The following PIK3R1 variants were observed in gnomAD, a reference collection of about 807,000 sequenced individuals.
PIK3R1 encodes phosphoinositide-3-kinase regulatory subunit 1.
A neutral mutation model predicts 98.0 loss-of-function variants in PIK3R1; 29 were observed. The ratio of observed to expected loss-of-function variants is 0.30; its 90% CI spans 0.22 to 0.40. PIK3R1 has a LOEUF of 0.40. Ranked by LOEUF, PIK3R1 falls within the 10% of genes least tolerant of loss-of-function variation. The probability of loss-of-function intolerance (pLI) is 1.00; values close to 1 mark genes in which losing one functional copy is unlikely to be tolerated. For synonymous variants in PIK3R1, 282 were observed against 311.8 expected (o/e 0.90, Z 1.01); for missense variants, 596 against 872.7 (o/e 0.68, Z 3.99).
chr5:68,288,507 G>A (rs533233762), intron 7 of PIK3R1: 5 of 1,282,670 alleles, frequency 3.9e-6, no homozygotes, highest in Non-Finnish European at 4.9e-6. Context: ...GCGTGGGGCG[G>A]AGGGACGAGC....
chr5:68,297,395 T>TC lies in PIK3R1; in HGVS notation c.1986-16dup, dbSNP rs769342914. 3 of 1,596,900 alleles carry TC rather than the reference T, an allele frequency of 1.9e-6. No homozygotes were observed. The highest frequency in any genetic ancestry group is 2.6e-6 in the Non-Finnish European group (3 of 1,170,722). The stretch of plus-strand genomic sequence containing the variant: ...TTGGACAAGCTCAAAAGACAGTTTT[T>TC]CTTCTCTCCTCTCTAGGGTGGACGG... On this transcript the variant is annotated splice_polypyrimidine_tract_variant and intron_variant, in intron 15 of 15. Coordinates refer to ENST00000521381, the MANE Select transcript of PIK3R1 (RefSeq NM_181523.3).
chr5:68,221,915 A>T (rs1744104681), intron 1 of PIK3R1, among the ~76,000 whole-genome samples: 2 of 152,222 alleles, frequency 1.3e-5, no homozygotes, highest in Non-Finnish European at 2.9e-5. Context: ...ATTCCTTAAA[A>T]TTTTGAACTG....
In PIK3R1 at chr5:68,221,374, TGACCTA is replaced by T. The variant is rs1018450675; in HGVS notation, c.-386-4912_-386-4907del. On this transcript the variant is annotated intron_variant, in intron 1 of 15. Coordinates refer to ENST00000521381, the MANE Select transcript of PIK3R1 (RefSeq NM_181523.3). ...ACTGTATGAATTTAGGTGAGGAGCTTGACCTAGACTCTGAACTAGCACACTGAAGTT... is the reference window on the plus strand; with the variant it reads ...ACTGTATGAATTTAGGTGAGGAGCTTGACTCTGAACTAGCACACTGAAGTT... Among the ~76,000 whole-genome samples, 27 of 152,322 alleles carry T rather than the reference TGACCTA, an allele frequency of 1.8e-4. 1 individual carries two copies. Among genetic ancestry groups the T allele is most frequent in the Middle Eastern group, 3.4e-3 (1 of 294 alleles).
intron 1 of PIK3R1, among the ~76,000 whole-genome samples, chr5:68,219,692 C>T (rs539418798): frequency 1.3e-5 from 2 of 152,246 alleles, no homozygotes; most frequent in Admixed American, 6.5e-5. Flanking sequence ...TTTAAGACAG[C>T]GGGAGTTTTA....
intron 2 of PIK3R1, among the ~76,000 whole-genome samples, chr5:68,256,818 A>G (rs1030516531): frequency 2.6e-5 from 4 of 152,062 alleles, no homozygotes; most frequent in Admixed American, 6.5e-5. Context: ...CAAGCCTCCT[A>G]TTTTTCAGTT....
chr5:68,256,628 C>G (rs545842541), intron 2 of PIK3R1, among the ~76,000 whole-genome samples: 3 of 152,244 alleles, frequency 2.0e-5, no homozygotes, highest in East Asian at 3.9e-4. Context: ...GAAGCACCAA[C>G]AGTATGCATA....
chr5:68,248,819 C>T (rs1453300292), intron 2 of PIK3R1, among the ~76,000 whole-genome samples: 1 of 151,998 alleles, frequency 6.6e-6, no homozygotes, highest in Non-Finnish European at 1.5e-5. Context: ...TGTTACAAAG[C>T]AACATATTGA....
In PIK3R1 at chr5:68,280,565, G is replaced by A. The variant is rs2112194874; in HGVS notation, c.672G>A (p.Lys224=). The change falls in exon 6 of 16, where the codon AAG becomes AAA. Residue 224 remains lysine (K), a synonymous_variant. Coordinates refer to ENST00000521381, the MANE Select transcript of PIK3R1 (RefSeq NM_181523.3). ...QSSEEYIQLL[K]KLIRSPSIPH... is the part of the protein sequence containing the mutation. Reference sequence around the variant, plus strand: ...CCGAAGAATATATTCAGCTATTGAAGAAGCTTATTAGGTCGCCTAGCATAC... The same window carrying A: ...CCGAAGAATATATTCAGCTATTGAAAAAGCTTATTAGGTCGCCTAGCATAC... 6.2e-7 allele frequency: 1 copy of A among 1,607,366 alleles called. No individual in the cohort carries two copies. Among genetic ancestry groups the A allele is most frequent in the Non-Finnish European group, 8.5e-7 (1 of 1,174,634 alleles).
intron 1 of PIK3R1, among the ~76,000 whole-genome samples, chr5:68,218,102 G>A (rs996874667): frequency 6.6e-5 from 10 of 151,672 alleles, no homozygotes; most frequent in African/African-American, 2.2e-4. Context: ...TTTCTTTAGC[G>A]ATTTCTTGAG....
At chr5:68,219,356 C>G (rs1238731783) in intron 1 of PIK3R1, among the ~76,000 whole-genome samples, 1 of 152,178 alleles carries the variant, frequency 6.6e-6, no homozygotes, top group African/African-American at 2.4e-5. Flanking sequence ...AGGAGTCTGG[C>G]CACAGTGTGA....
intron 2 of PIK3R1, among the ~76,000 whole-genome samples, chr5:68,264,237 G>C (rs959806114): frequency 2.0e-5 from 3 of 152,210 alleles, no homozygotes; most frequent in African/African-American, 7.2e-5. Flanking sequence ...TGGCCTGCCA[G>C]TCCAAGCTCA....
intron 2 of PIK3R1, among the ~76,000 whole-genome samples, chr5:68,251,519 T>A (rs1472143195): frequency 6.6e-6 from 1 of 151,706 alleles, no homozygotes; most frequent in Non-Finnish European, 1.5e-5. Context: ...TTGTAAGCCG[T>A]TCACTAACAC....
chr5:68,268,538 C>T (rs1746214120), intron 2 of PIK3R1, among the ~76,000 whole-genome samples: 1 of 152,224 alleles, frequency 6.6e-6, no homozygotes, highest in African/African-American at 2.4e-5. Context: ...ACAGCTTTGA[C>T]TCAGCAGCAG....
intron 7 of PIK3R1, chr5:68,290,739 C>G (rs1747342403): frequency 6.2e-7 from 1 of 1,612,156 alleles, no homozygotes; most frequent in South Asian, 1.1e-5. Flanking sequence ...ATGTACAATA[C>G]TGTTTGGAAT....
chr5:68,236,509 A>T (rs906737458), intron 2 of PIK3R1, among the ~76,000 whole-genome samples: 35 of 152,060 alleles, frequency 2.3e-4, no homozygotes, highest in African/African-American at 7.5e-4. Context: ...TCGGCCTCCC[A>T]AAGTGCTGGG....
chr5:68,246,933 G>A (rs760062553), intron 2 of PIK3R1, among the ~76,000 whole-genome samples: 18 of 152,220 alleles, frequency 1.2e-4, no homozygotes, highest in Middle Eastern at 6.3e-3. Context: ...GCCTTAAGAG[G>A]GGAGAGGAAA....
At chr5:68,290,873 C>A in intron 7 of PIK3R1, 2 of 1,405,180 alleles carry the variant, frequency 1.4e-6, no homozygotes, top group Admixed American at 2.2e-5. Flanking sequence ...TAGTTAATTT[C>A]GTGGCTTTTT....
intron 4 of PIK3R1, among the ~76,000 whole-genome samples, chr5:68,279,311 C>T (rs775081327): frequency 6.6e-6 from 1 of 152,082 alleles, no homozygotes; most frequent in South Asian, 2.1e-4. Flanking sequence ...TTTTTGTTGC[C>T]CCAAAGTGTG....
In PIK3R1 at chr5:68,281,010, A is replaced by G. The variant is rs1360033322; in HGVS notation, c.916+4A>G. 6.3e-7 allele frequency: 1 copy of G among 1,582,718 alleles called. No individual in the cohort carries two copies. The highest frequency in any genetic ancestry group is 1.2e-5 in the South Asian group (1 of 86,908). ...AATGAACGACAGCCTGCACCAGGTA[A>G]TGCTTTTTGAGCATTTAACATTCTC... On this transcript the variant is annotated splice_donor_region_variant and intron_variant, in intron 7 of 15. Coordinates refer to ENST00000521381, the MANE Select transcript of PIK3R1 (RefSeq NM_181523.3).
Sources: allele counts gnomAD v4.1 joint callset (sites outside exome capture counted in the v4.1 genomes callset), GRCh38; gene constraint gnomAD v4.1.1; transcripts MANE v1.5; gene names NCBI Gene and HGNC (gene_info 2026-07-23, HGNC 2026-07-21).